Variants in POLQ observed in about 807,000 individuals in gnomAD.
The protein encoded by POLQ is DNA polymerase theta.
In POLQ, 233 loss-of-function variants were observed where a neutral mutation model predicts 259.2. That is an observed-to-expected ratio of 0.90 (90% CI 0.81 to 1.00). The LOEUF is 1.00. Ranked by LOEUF, POLQ falls within the 50% of genes least tolerant of loss-of-function variation. POLQ has a pLI of 0.00. For missense variants in POLQ, 2,871 were observed against 3,051.6 expected (o/e 0.94, Z 1.39); for synonymous variants, 1,025 against 1,048.8 (o/e 0.98, Z 0.44).
At chr3:121,453,378 A>T (rs1169714608) in intron 25 of POLQ, among the ~76,000 whole-genome samples, 1 of 152,228 alleles carries the variant, frequency 6.6e-6, no homozygotes, top group East Asian at 1.9e-4. Flanking sequence ...CAACGGAACA[A>T]AGCTGGATGG....
intron 24 of POLQ, among the ~76,000 whole-genome samples, chr3:121,460,646 A>G (rs1455182060): frequency 2.0e-5 from 3 of 152,210 alleles, no homozygotes; most frequent in Admixed American, 2.0e-4. Context: ...TAGGCCCTTA[A>G]CAAATGCTTG....
intron 28 of POLQ, 108 bp from the exon 29 acceptor site, chr3:121,433,141 C>CAA: frequency 1.5e-6 from 1 of 686,670 alleles, no homozygotes; most frequent in Non-Finnish European, 2.7e-6. Flanking sequence ...AAGATTAAAA[C>CAA]ACACAAGAAT....
chr3:121,505,482 C>G (rs1395428437), intron 12 of POLQ, among the ~76,000 whole-genome samples: 1 of 151,812 alleles, frequency 6.6e-6, no homozygotes, highest in Non-Finnish European at 1.5e-5. Context: ...AAAAATCAGT[C>G]AAACTGGTCT....
At chr3:121,494,577 T>C (rs557911458) in intron 14 of POLQ, 265 of 1,578,848 alleles carry the variant, frequency 1.7e-4, no homozygotes, top group African/African-American at 1.3e-3. Context: ...CTGGTGGTGA[T>C]TGCACACAAC....
At chr3:121,451,947 T>C (rs1358746375) in intron 25 of POLQ, among the ~76,000 whole-genome samples, 1 of 152,202 alleles carries the variant, frequency 6.6e-6, no homozygotes, top group Non-Finnish European at 1.5e-5. Context: ...AGTTCGAGCT[T>C]CCTGGCCTCT....
intron 1 of POLQ, among the ~76,000 whole-genome samples, 181 bp from the exon 2 acceptor site, chr3:121,545,087 C>T (rs2048521065): frequency 6.6e-6 from 1 of 152,100 alleles, no homozygotes; most frequent in South Asian, 2.1e-4. Context: ...TTGTTATTTA[C>T]TGCATATAAT....
In POLQ at chr3:121,487,500, C is replaced by T. The variant is rs1305889963; in HGVS notation, c.5431G>A (p.Asp1811Asn). 1 of 1,614,072 alleles carries T rather than the reference C, an allele frequency of 6.2e-7. No individual in the cohort carries two copies. The highest frequency in any genetic ancestry group is 1.3e-5 in the African/African-American group (1 of 75,046). Reference sequence around the variant, plus strand: ...GAGGCTGGAGTTAACTGTAATCCATCCTGTGATAACTGAAGTGAAAAGCTT... The same window carrying T: ...GAGGCTGGAGTTAACTGTAATCCATTCTGTGATAACTGAAGTGAAAAGCTT... ...DTSFSLQLSQ[D>N]GLQLTPASSS... The change falls in exon 16 of 30, where the codon GAT (aspartate) becomes AAT (asparagine). Residue 1811 changes from aspartate to asparagine, a missense_variant. Asp to Asn is a conservative substitution (Grantham distance 23). Transcript: ENST00000264233.
In POLQ at chr3:121,545,847, G is replaced by T. The variant is rs148026570; in HGVS notation, c.31C>A (p.Arg11=). MNLLRRSGKR[R]RSESGSDSFS... is the part of the protein sequence containing the mutation. The stretch of plus-strand genomic sequence containing the variant: ...GAATCTGAGCCTGATTCTGAACGCC[G>T]CCGTTTCCCACTCCGACGCAGAAGA... Residue 11 remains arginine, a synonymous_variant, in exon 1 of 30, where the codon CGG becomes AGG. Transcript: ENST00000264233. The T allele has an allele frequency of 8.3e-5, 134 of 1,613,980 alleles. No individual in the cohort carries two copies. In the African/African-American group the frequency reaches 1.5e-3, roughly 17 times the overall value.
intron 26 of POLQ, among the ~76,000 whole-genome samples, chr3:121,440,683 C>T (rs2047584369): frequency 6.6e-6 from 1 of 152,074 alleles, no homozygotes; most frequent in South Asian, 2.1e-4. Context: ...ACTAAAAATT[C>T]CAGAACGGGG....
At chr3:121,537,531 G>A (rs1185529784) in intron 4 of POLQ, among the ~76,000 whole-genome samples, 4 of 152,106 alleles carry the variant, frequency 2.6e-5, no homozygotes, top group South Asian at 2.1e-4. Context: ...TCCCACTTAC[G>A]AGTGAGAACA....
At chr3:121,457,215 C>A (rs867523304) in intron 25 of POLQ, among the ~76,000 whole-genome samples, 1 of 152,172 alleles carries the variant, frequency 6.6e-6, no homozygotes, top group African/African-American at 2.4e-5. Flanking sequence ...CTTCCTTACA[C>A]CTTATACAAA....
At chr3:121,433,965 C>T (rs1034058420) in intron 28 of POLQ, among the ~76,000 whole-genome samples, 1 of 152,208 alleles carries the variant, frequency 6.6e-6, no homozygotes, top group African/African-American at 2.4e-5. Flanking sequence ...AGTAAGCAAA[C>T]AAAATCACCT....
At chr3:121,494,944 T>TAAAAAA in intron 14 of POLQ, 1 of 885,644 alleles carries the variant, frequency 1.1e-6, no homozygotes, top group Non-Finnish European at 1.7e-6. Flanking sequence ...ATAAAAATAA[T>TAAAAAA]TAAAATAATA....
At position 121,483,392 on chromosome 3, in the gene POLQ, A is replaced by C. The variant is rs1210226823; in HGVS notation, c.5964T>G (p.Asp1988Glu). The change falls in exon 18 of 30, where the codon GAT becomes GAG. Residue 1988 changes from aspartate to glutamate, a missense_variant. By Grantham distance (45) the Asp-to-Glu change is conservative (BLOSUM62 2). This residue lies in a region of POLQ where 2,080 missense variants were observed against 2,126.0 expected (regional missense o/e 0.98). Coordinates refer to ENST00000264233, the MANE Select transcript of POLQ (RefSeq NM_199420.4). ...ATTAAATTAGACATAGAACCTTAGG[A>C]TCTTCATAACTTTGCTCCAAGGAGA... ...CGISLEQSYE[D>E]PKVACWLLDP... 5.2e-6 allele frequency: 8 copies of C among 1,539,054 alleles called. No individual in the cohort carries two copies. Among genetic ancestry groups the C allele is most frequent in the Non-Finnish European group, 7.0e-6 (8 of 1,148,488 alleles).
intron 25 of POLQ, among the ~76,000 whole-genome samples, chr3:121,453,729 T>A (rs780111438): frequency 9.9e-5 from 15 of 151,916 alleles, no homozygotes; most frequent in Non-Finnish European, 1.8e-4. Context: ...TATGAGATTA[T>A]GTGAAAAGAC....
At chr3:121,511,438 T>G (rs1198770346) in intron 10 of POLQ, among the ~76,000 whole-genome samples, 5 of 151,920 alleles carry the variant, frequency 3.3e-5, no homozygotes, top group Admixed American at 2.6e-4. Context: ...TAAATTCATC[T>G]GAAATTTTGG....
Position 121,510,164 on chromosome 3 carries a change from T to C in POLQ, c.1691A>G (p.Lys564Arg). The C allele has an allele frequency of 1.2e-6, 2 of 1,614,086 alleles. No individual in the cohort carries two copies. Among genetic ancestry groups the C allele is most frequent in the Non-Finnish European group, 1.7e-6 (2 of 1,179,902 alleles). The change falls in exon 11 of 30, where the codon AAA becomes AGA. Residue 564 changes from lysine to arginine, a missense_variant. Physicochemically the swap from Lys to Arg is conservative, Grantham distance 26 (BLOSUM62 2). Around this residue, in one of 3 missense-constraint regions of POLQ, gnomAD observed 783 missense variants for 906.2 expected, o/e 0.86. Coordinates refer to ENST00000264233, the MANE Select transcript of POLQ (RefSeq NM_199420.4). ...AACTFLAASM[K>R]EGKQGIQRNQ... ...TCTCTGAATTCCTTGCTTCCCTTCT[T>C]TCATACTTGCAGCCAAAAATGTGCA...
chr3:121,528,830 T>C (rs1408244332), intron 7 of POLQ, among the ~76,000 whole-genome samples: 1 of 152,062 alleles, frequency 6.6e-6, no homozygotes, highest in Non-Finnish European at 1.5e-5. Context: ...CGGGTGCTTG[T>C]AATCCCAGCT....
chr3:121,466,535 A>C (rs1367039598), intron 24 of POLQ, among the ~76,000 whole-genome samples: 1 of 151,934 alleles, frequency 6.6e-6, no homozygotes, highest in African/African-American at 2.4e-5. Flanking sequence ...TACTAAAAAT[A>C]CAAAATTAGC....
Sources: allele counts gnomAD v4.1 joint callset (sites outside exome capture counted in the v4.1 genomes callset), GRCh38; gene constraint gnomAD v4.1.1; regional missense constraint gnomAD v4.1.1; transcripts MANE v1.5; gene names NCBI Gene and HGNC (gene_info 2026-07-23, HGNC 2026-07-21).